The following GRIP1 variants were observed in gnomAD, a reference collection of about 807,000 sequenced individuals.
The protein encoded by GRIP1 is glutamate receptor interacting protein 1, also known as glutamate receptor-interacting protein 1.
Under a neutral mutation model 129.9 loss-of-function variants are expected in GRIP1, and 45 were observed. That is an observed-to-expected ratio of 0.35 (90% CI 0.27 to 0.44). GRIP1 has a LOEUF of 0.44. GRIP1 is among the 20% of genes least tolerant of loss of function. GRIP1 has a pLI of 1.00. For missense variants in GRIP1, 1,196 were observed against 1,396.8 expected (o/e 0.86, Z 2.29); for synonymous variants, 530 against 520.8 (o/e 1.02, Z -0.24).
At chr12:66,413,083 C>T (rs937377754) in intron 15 of GRIP1, among the ~76,000 whole-genome samples, 13 of 152,126 alleles carry the variant, frequency 8.5e-5, no homozygotes, top group South Asian at 2.1e-4. Context: ...ATTCAGGACT[C>T]GAACTCAGCT....
At chr12:66,561,959 G>C (rs2062549883) in intron 2 of GRIP1, among the ~76,000 whole-genome samples, 1 of 151,884 alleles carries the variant, frequency 6.6e-6, no homozygotes, top group Non-Finnish European at 1.5e-5. Context: ...CCCAGGCATG[G>C]TGGTGTGCTC....
rs528573425 is a variant in GRIP1, at chr12:66,874,360, C to T, written c.58+194690G>A. Among the ~76,000 whole-genome samples, 5 of 152,090 alleles carry T rather than the reference C, an allele frequency of 3.3e-5. No individual in the cohort carries two copies. In the South Asian group the frequency reaches 1.0e-3, roughly 32 times the overall value. On this transcript the variant is annotated intron_variant, in intron 1 of 1. Coordinates refer to the GRIP1 transcript ENST00000643019. ...CTTCCATTAATATATAGTTCATATA[C>T]CACAGTGCTGATTCTTTTTATATCT...
chr12:66,891,800 A>G (rs1283718859), intron 1 of GRIP1: 2 of 152,240 alleles, frequency 1.3e-5, no homozygotes, highest in Non-Finnish European at 2.9e-5. Context: ...GACTGAGGCA[A>G]ATTCTTCCCC....
At chr12:66,826,571 T>G (rs1307768214) in intron 1 of GRIP1, among the ~76,000 whole-genome samples, 1 of 152,124 alleles carries the variant, frequency 6.6e-6, no homozygotes, top group Non-Finnish European at 1.5e-5. Flanking sequence ...TTTATGGTAA[T>G]TGAATCTAAG....
At chr12:66,794,618 T>C (rs1299820288) in intron 1 of GRIP1, among the ~76,000 whole-genome samples, 2 of 152,188 alleles carry the variant, frequency 1.3e-5, no homozygotes, top group Non-Finnish European at 2.9e-5. Flanking sequence ...AGCTGTGTAA[T>C]CTTGAGTTAG....
intron 1 of GRIP1, among the ~76,000 whole-genome samples, chr12:66,925,098 T>G (rs2041275285): frequency 6.6e-6 from 1 of 152,220 alleles, no homozygotes. Context: ...GTTGGGGCAC[T>G]TGAGATAAGA....
At chr12:66,391,401 T>C (rs995769477) in intron 19 of GRIP1, among the ~76,000 whole-genome samples, 4 of 152,322 alleles carry the variant, frequency 2.6e-5, no homozygotes, top group African/African-American at 9.6e-5. Context: ...AAGAAGCTAT[T>C]AGTTTATGCT....
intron 16 of GRIP1, among the ~76,000 whole-genome samples, chr12:66,401,528 G>A (rs997846217): frequency 3.3e-5 from 5 of 150,730 alleles, no homozygotes; most frequent in Non-Finnish European, 7.4e-5. Context: ...GCAGTGAGCC[G>A]AGATTGTGCC....
intron 1 of GRIP1, among the ~76,000 whole-genome samples, chr12:67,029,659 T>G (rs911987387): frequency 1.3e-5 from 2 of 150,268 alleles, no homozygotes; most frequent in African/African-American, 4.9e-5. Context: ...TAAACCAAAA[T>G]CTTGGCAACG....
chr12:66,826,506 C>A (rs1410457281), intron 1 of GRIP1, among the ~76,000 whole-genome samples: 2 of 151,948 alleles, frequency 1.3e-5, no homozygotes, highest in Non-Finnish European at 2.9e-5. Flanking sequence ...TCTATGATCC[C>A]AAAATACTTA....
intron 1 of GRIP1, among the ~76,000 whole-genome samples, chr12:66,616,965 C>T (rs937469788): frequency 1.3e-5 from 2 of 151,966 alleles, no homozygotes; most frequent in East Asian, 1.9e-4. Context: ...ACAAGGGCCT[C>T]GGGCGTGCAG....
At chr12:66,657,278 C>A (rs979300491) in intron 1 of GRIP1, among the ~76,000 whole-genome samples, 4 of 79,136 alleles carry the variant, frequency 5.1e-5, no homozygotes, top group South Asian at 8.0e-4. Flanking sequence ...TGAAGGAGGA[C>A]CCTCCCCACC....
intron 16 of GRIP1, among the ~76,000 whole-genome samples, chr12:66,401,735 C>T (rs1204595020): frequency 6.6e-6 from 1 of 151,728 alleles, no homozygotes; most frequent in Non-Finnish European, 1.5e-5. Flanking sequence ...GAAACTGATG[C>T]TCAGAGAAGT....
intron 1 of GRIP1, among the ~76,000 whole-genome samples, chr12:66,972,443 T>G (rs974790642): frequency 5.3e-5 from 8 of 152,340 alleles, no homozygotes; most frequent in Non-Finnish European, 1.0e-4. Context: ...CCAACAGAAC[T>G]TCTTACAAAG....
At chr12:66,426,090 C>G (rs2057976554) in intron 14 of GRIP1, among the ~76,000 whole-genome samples, 1 of 152,182 alleles carries the variant, frequency 6.6e-6, no homozygotes, top group Non-Finnish European at 1.5e-5. Context: ...CACCACAACC[C>G]TGTAAGATTA....
At chr12:66,971,999 C>T (rs186586220) in intron 1 of GRIP1, among the ~76,000 whole-genome samples, 1 of 152,144 alleles carries the variant, frequency 6.6e-6, no homozygotes, top group Non-Finnish European at 1.5e-5. Context: ...ATGTGTTGCT[C>T]AACAAGAACC....
Position 66,823,100 on chromosome 12 carries a change from A to G in GRIP1, c.59-226173T>C, listed in dbSNP as rs377407468. On this transcript the variant is annotated intron_variant, in intron 1 of 1. Transcript: ENST00000643019. ...TCCAGCAAACCCTACTAACTGCATG[A>G]CCTTGTGCAACTTAACCTCTCTAGA... Among the ~76,000 whole-genome samples, 19 of 152,350 alleles carry G rather than the reference A, an allele frequency of 1.2e-4. 1 individual carries two copies. Among genetic ancestry groups the G allele is most frequent in the African/African-American group, 4.6e-4 (19 of 41,590 alleles).
intron 2 of GRIP1, among the ~76,000 whole-genome samples, chr12:66,583,207 T>C (rs1048980465): frequency 6.6e-6 from 1 of 150,852 alleles, no homozygotes; most frequent in African/African-American, 2.4e-5. Context: ...TAGCCATATG[T>C]AGAAAGCTGA....
chr12:66,517,502 G>A (rs2060881172), intron 6 of GRIP1, among the ~76,000 whole-genome samples: 2 of 152,062 alleles, frequency 1.3e-5, no homozygotes, highest in Admixed American at 1.3e-4. Context: ...TCCAGGCTGG[G>A]AGATTAGCAA....
Sources: allele counts gnomAD v4.1 joint callset (sites outside exome capture counted in the v4.1 genomes callset), GRCh38; gene constraint gnomAD v4.1.1; transcripts MANE v1.5; gene names NCBI Gene and HGNC (gene_info 2026-07-23, HGNC 2026-07-21).